CPNE8: variants seen among roughly 807,000 people sequenced by gnomAD.
The protein encoded by CPNE8 is copine 8, also known as copine-8.
A neutral mutation model predicts 81.5 loss-of-function variants in CPNE8; 45 were observed. The observed-to-expected ratio is 0.55, with a 90% confidence interval of 0.44 to 0.71. The LOEUF (loss-of-function observed/expected upper bound fraction) is 0.71. Ranked by LOEUF, CPNE8 falls within the 30% of genes least tolerant of loss-of-function variation. CPNE8 has a pLI of 0.00. For missense variants in CPNE8, 594 were observed against 672.1 expected (o/e 0.88, Z 1.28); for synonymous variants, 252 against 226.3 (o/e 1.11, Z -1.02).
chr12:38,771,677 G>A (rs1941807521), intron 7 of CPNE8, among the ~76,000 whole-genome samples: 2 of 151,930 alleles, frequency 1.3e-5, no homozygotes, highest in African/African-American at 2.4e-5. Flanking sequence ...CTTTCCTATA[G>A]AGTATCCATC....
intron 19 of CPNE8, among the ~76,000 whole-genome samples, chr12:38,668,396 A>G (rs1411781890): frequency 6.6e-6 from 1 of 152,234 alleles, no homozygotes; most frequent in Admixed American, 6.5e-5. Flanking sequence ...GTGATCAAGG[A>G]CAATTTTTAT....
chr12:38,893,308 A>G (rs1161555637), intron 1 of CPNE8, among the ~76,000 whole-genome samples: 2 of 152,194 alleles, frequency 1.3e-5, no homozygotes, highest in African/African-American at 4.8e-5. Flanking sequence ...GATACATGTC[A>G]TAAAGACCTT....
intron 5 of CPNE8, among the ~76,000 whole-genome samples, chr12:38,835,451 T>C (rs1943364040): frequency 6.6e-6 from 1 of 152,338 alleles, no homozygotes; most frequent in East Asian, 1.9e-4. Context: ...TGTATTCATG[T>C]TCATTGAGTA....
chr12:38,723,867 T>G, intron 12 of CPNE8, 34 bp from the exon 13 acceptor site: 3 of 1,258,612 alleles, frequency 2.4e-6, no homozygotes, highest in Non-Finnish European at 3.5e-6. Context: ...ACCTTCTAGT[T>G]GTTTGTGACC....
intron 6 of CPNE8, among the ~76,000 whole-genome samples, chr12:38,803,356 C>T (rs143341251): frequency 0.23 from 27,333 of 119,736 alleles, 4,287 homozygotes; most frequent in Non-Finnish European, 0.36. Flanking sequence ...GTTCAATATA[C>T]GCAAATCAAT....
At chr12:38,889,568 C>T (rs971006641) in intron 1 of CPNE8, among the ~76,000 whole-genome samples, 3 of 152,144 alleles carry the variant, frequency 2.0e-5, no homozygotes, top group Non-Finnish European at 4.4e-5. Flanking sequence ...TTGGAAGATC[C>T]TGATGACTCA....
intron 14 of CPNE8, among the ~76,000 whole-genome samples, chr12:38,695,959 A>T (rs1299169956): frequency 6.6e-6 from 1 of 152,130 alleles, no homozygotes; most frequent in East Asian, 1.9e-4. Context: ...ACACAAACAA[A>T]CAAACAAACG....
chr12:38,709,415 T>A (rs2136705784), intron 13 of CPNE8, among the ~76,000 whole-genome samples: 1 of 152,370 alleles, frequency 6.6e-6, no homozygotes, highest in South Asian at 2.1e-4. Flanking sequence ...CCAAGTAAGA[T>A]CTGCTAGAAT....
chr12:38,828,684 G>T (rs1476834921), intron 6 of CPNE8, among the ~76,000 whole-genome samples: 1 of 152,140 alleles, frequency 6.6e-6, no homozygotes, highest in Non-Finnish European at 1.5e-5. Context: ...GGTTAACTCT[G>T]CAAATGTACT....
At chr12:38,904,024 T>C (rs1191178513) in intron 1 of CPNE8, among the ~76,000 whole-genome samples, 4 of 152,184 alleles carry the variant, frequency 2.6e-5, no homozygotes, top group Non-Finnish European at 5.9e-5. Flanking sequence ...CGGTTGCTGG[T>C]GCTCGAATTT....
chr12:38,689,657 T>C (rs1257502813), intron 15 of CPNE8, among the ~76,000 whole-genome samples: 1 of 152,218 alleles, frequency 6.6e-6, no homozygotes, highest in Non-Finnish European at 1.5e-5. Context: ...ATTGCATACA[T>C]TTGTATAAAT....
intron 7 of CPNE8, among the ~76,000 whole-genome samples, chr12:38,769,468 C>T (rs377151023): frequency 5.9e-5 from 9 of 152,100 alleles, no homozygotes; most frequent in African/African-American, 1.7e-4. Flanking sequence ...ATTATAAAAT[C>T]AAAGGCAGCA....
chr12:38,871,539 A>G (rs1233781922), intron 3 of CPNE8, among the ~76,000 whole-genome samples: 1 of 152,200 alleles, frequency 6.6e-6, no homozygotes, highest in Admixed American at 6.5e-5. Flanking sequence ...TGAACATGGA[A>G]AAAGGGGGCA....
rs1942737696 is a variant in CPNE8 at position 38,803,487 on chromosome 12, A to T, written c.407+25892T>A. ...TCATGCTAAAAACTTTCAATAAATT[A>T]GGTATTGATGGGACGTATTTCAGAA... On this transcript the variant is annotated intron_variant, in intron 6 of 19. Coordinates refer to ENST00000331366, the MANE Select transcript of CPNE8 (RefSeq NM_153634.3). Among the ~76,000 whole-genome samples, 4 of 150,638 alleles carry T rather than the reference A, an allele frequency of 2.7e-5. No homozygotes were observed. In the South Asian group the frequency reaches 8.5e-4, roughly 32 times the overall value.
Position 38,743,341 on chromosome 12 carries a change from C to T in CPNE8, c.723-12983G>A, listed in dbSNP as rs572410252. 9.2e-5 allele frequency among the ~76,000 whole-genome samples: 14 copies of T among 151,928 alleles called. No homozygotes were observed. In the South Asian group the frequency reaches 2.9e-3, roughly 32 times the overall value. On this transcript the variant is annotated intron_variant, in intron 10 of 19. Coordinates refer to ENST00000331366, the MANE Select transcript of CPNE8 (RefSeq NM_153634.3). ...TGAAAATGTCAAAGTCGGTGAAATG[C>T]CAAAGATTTTATGTGGTATTTCTTT...
chr12:38,752,770 T>C (rs1941378834), intron 10 of CPNE8, among the ~76,000 whole-genome samples: 1 of 152,344 alleles, frequency 6.6e-6, no homozygotes, highest in East Asian at 1.9e-4. Flanking sequence ...AGAATTTAAT[T>C]TGTATTCCAA....
intron 13 of CPNE8, among the ~76,000 whole-genome samples, chr12:38,705,899 C>T (rs1476131755): frequency 6.6e-6 from 1 of 151,982 alleles, no homozygotes; most frequent in Admixed American, 6.6e-5. Flanking sequence ...TTATTTTACA[C>T]ACATAATATA....
chr12:38,795,867 G>GGATAGATAGAGA (rs1942452275), intron 6 of CPNE8, among the ~76,000 whole-genome samples: 1 of 148,134 alleles, frequency 6.8e-6, no homozygotes, highest in African/African-American at 2.5e-5. Flanking sequence ...ATGGATGGAT[G>GGATAGATAGAGA]GATAGATAGA....
intron 13 of CPNE8, among the ~76,000 whole-genome samples, chr12:38,704,012 C>A (rs1476730785): frequency 6.6e-6 from 1 of 152,106 alleles, no homozygotes; most frequent in African/African-American, 2.4e-5. Flanking sequence ...AGAAAGCAAA[C>A]ACCACGTATT....
Sources: gnomAD v4.1 joint callset for allele counts (sites outside exome capture counted in the v4.1 genomes callset) on GRCh38, gnomAD v4.1.1 for gene constraint, MANE v1.5 for transcripts, NCBI Gene and HGNC (gene_info 2026-07-23, HGNC 2026-07-21) for gene names.